SIPA1L1: variants seen among roughly 807,000 people sequenced by gnomAD.
The protein encoded by SIPA1L1 is signal-induced proliferation-associated 1-like protein 1.
A neutral mutation model predicts 162.7 loss-of-function variants in SIPA1L1; 26 were observed. The observed-to-expected ratio is 0.16, with a 90% CI of 0.12 to 0.22. The LOEUF (loss-of-function observed/expected upper bound fraction) is 0.22, where lower values mean the gene tolerates loss of function less well. Ranked by LOEUF, SIPA1L1 falls within the 10% of genes least tolerant of loss-of-function variation. The probability of loss-of-function intolerance (pLI) is 1.00; values close to 1 mark genes in which losing one functional copy is unlikely to be tolerated. For missense variants in SIPA1L1, 1,874 were observed against 2,241.0 expected (o/e 0.84, Z 3.31); for synonymous variants, 829 against 837.4 (o/e 0.99, Z 0.17).
intron 14 of SIPA1L1, 30 bp downstream of exon 14, chr14:71,699,157 G>A (rs780685240): frequency 3.7e-6 from 6 of 1,608,414 alleles, no homozygotes; most frequent in Non-Finnish European, 2.6e-6. Context: ...ATTGTACATG[G>A]TCCCTGTTGG....
intron 2 of SIPA1L1, among the ~76,000 whole-genome samples, chr14:71,329,414 T>C (rs539426044): frequency 1.3e-5 from 2 of 148,912 alleles, no homozygotes; most frequent in African/African-American, 2.4e-5. Context: ...CCAATACTTA[T>C]TTTCTGTTTT....
chr14:71,704,581 A>G lies in SIPA1L1; in HGVS notation c.3647-641A>G, dbSNP rs2082311730. On this transcript the variant is annotated intron_variant, in intron 15 of 23. Transcript: ENST00000381232. The stretch of plus-strand genomic sequence containing the variant: ...GTTTCAGAGGCCCAGGATTCTTGCT[A>G]TTAGCTATAGTGGTGTTATGGAGGA... The G allele has an allele frequency of 1.7e-5, 11 of 630,228 alleles. No homozygotes were observed. The South Asian group carries it at 2.1e-4, about 12-fold the overall frequency. The allele number at this position is 630,228 out of a possible 1,614,324, so 39.0% of individuals were successfully genotyped here. A position where few individuals can be genotyped will look rare whatever the true frequency, so the allele number is the denominator to read the frequency against.
chr14:71,394,029 A>T (rs2040983796), intron 2 of SIPA1L1, among the ~76,000 whole-genome samples: 1 of 152,244 alleles, frequency 6.6e-6, no homozygotes, highest in Non-Finnish European at 1.5e-5. Flanking sequence ...TCCTGTTCCT[A>T]GCTGGCTAGA....
intron 17 of SIPA1L1, among the ~76,000 whole-genome samples, chr14:71,714,833 T>C (rs1450021939): frequency 6.6e-6 from 1 of 152,208 alleles, no homozygotes; most frequent in East Asian, 1.9e-4. Context: ...CCTCTCACCT[T>C]GGCCTCCCAT....
intron 10 of SIPA1L1, among the ~76,000 whole-genome samples, chr14:71,665,276 C>A (rs2043892852): frequency 6.6e-6 from 1 of 152,166 alleles, no homozygotes; most frequent in African/African-American, 2.4e-5. Flanking sequence ...TATAGTGGAT[C>A]TAGACATGAG....
At chr14:71,570,252 T>C (rs563423089) in intron 4 of SIPA1L1, among the ~76,000 whole-genome samples, 1 of 152,142 alleles carries the variant, frequency 6.6e-6, no homozygotes, top group South Asian at 2.1e-4. Flanking sequence ...TTTTTTAAAA[T>C]CCATTTATCT....
chr14:71,406,724 A>G (rs900584113), intron 2 of SIPA1L1, among the ~76,000 whole-genome samples: 12 of 152,220 alleles, frequency 7.9e-5, no homozygotes, highest in African/African-American at 2.6e-4. Context: ...TTTCTTTTCT[A>G]GATTTTAAGT....
chr14:71,654,454 G>A (rs2042891661), intron 8 of SIPA1L1, among the ~76,000 whole-genome samples: 1 of 152,094 alleles, frequency 6.6e-6, no homozygotes. Context: ...CCTGACTGAG[G>A]CTTGTTTGTC....
At chr14:71,495,711 G>T (rs920603169) in intron 2 of SIPA1L1, among the ~76,000 whole-genome samples, 2 of 151,230 alleles carry the variant, frequency 1.3e-5, no homozygotes, top group African/African-American at 4.9e-5. Flanking sequence ...AAGTGAAGAC[G>T]ATTGAGATCT....
intron 2 of SIPA1L1, among the ~76,000 whole-genome samples, chr14:71,396,810 A>T (rs1355435576): frequency 6.6e-6 from 1 of 152,212 alleles, no homozygotes; most frequent in Non-Finnish European, 1.5e-5. Context: ...TAATGAGTTA[A>T]TGCTAAAACT....
intron 2 of SIPA1L1, among the ~76,000 whole-genome samples, chr14:71,402,937 T>C (rs2140080651): frequency 6.6e-6 from 1 of 152,344 alleles, no homozygotes; most frequent in South Asian, 2.1e-4. Context: ...GTTTTATAAC[T>C]GCCGCTGTCC....
At chr14:71,380,453 T>C (rs1362068427) in intron 2 of SIPA1L1, among the ~76,000 whole-genome samples, 1 of 152,210 alleles carries the variant, frequency 6.6e-6, no homozygotes, top group Non-Finnish European at 1.5e-5. Context: ...CCATGTTCAG[T>C]CTGGTATTTT....
rs2084997750 is a variant in SIPA1L1, at chr14:71,733,566, C to G, written c.4862-100C>G. ...CTAACCTGGACATTGATAACAGTCACAAATGGCTTACAATCTATTGTGGTA... is the reference window on the plus strand; with the variant it reads ...CTAACCTGGACATTGATAACAGTCAGAAATGGCTTACAATCTATTGTGGTA... On this transcript the variant is annotated intron_variant, in intron 20 of 23. Transcript: ENST00000381232. 1.4e-5 allele frequency: 17 copies of G among 1,243,604 alleles called. No homozygotes were observed. The South Asian group carries it at 1.4e-4, about 10-fold the overall frequency. 77.0% of individuals were successfully genotyped at this position (1,243,604 alleles called of 1,614,324 possible).
At chr14:71,543,892 A>G (rs967162716) in intron 4 of SIPA1L1, among the ~76,000 whole-genome samples, 2 of 113,278 alleles carry the variant, frequency 1.8e-5, no homozygotes, top group African/African-American at 3.3e-5. Flanking sequence ...TACATATATC[A>G]TACGTATATG....
chr14:71,351,508 A>C (rs1471121765), intron 2 of SIPA1L1, among the ~76,000 whole-genome samples: 1 of 152,210 alleles, frequency 6.6e-6, no homozygotes, highest in Non-Finnish European at 1.5e-5. Flanking sequence ...AGTAGGGTGG[A>C]TATGACTGAG....
At chr14:71,672,001 A>G (rs567635514) in intron 11 of SIPA1L1, among the ~76,000 whole-genome samples, 1 of 151,690 alleles carries the variant, frequency 6.6e-6, no homozygotes, top group East Asian at 1.9e-4. Flanking sequence ...CAGTCCAGTC[A>G]TCTGGTGGTG....
chr14:71,568,405 C>CAA (rs2031218278), intron 4 of SIPA1L1, among the ~76,000 whole-genome samples: 1 of 152,156 alleles, frequency 6.6e-6, no homozygotes, highest in Non-Finnish European at 1.5e-5. Context: ...AGTCAGAAAG[C>CAA]ATCAGTATGG....
chr14:71,398,192 T>G (rs1483159259), intron 2 of SIPA1L1: 1 of 152,046 alleles, frequency 6.6e-6, no homozygotes, highest in Non-Finnish European at 1.5e-5. Flanking sequence ...ATTTTTTGTA[T>G]TTTTAGTAGA....
chr14:71,681,806 A>G (rs1027266614), intron 12 of SIPA1L1, among the ~76,000 whole-genome samples: 9 of 152,214 alleles, frequency 5.9e-5, no homozygotes, highest in Non-Finnish European at 1.0e-4. Flanking sequence ...CTTAAGGAAA[A>G]AGGAGAGAGT....
Sources: gnomAD v4.1 joint callset for allele counts (sites outside exome capture counted in the v4.1 genomes callset) on GRCh38, gnomAD v4.1.1 for gene constraint, MANE v1.5 for transcripts, NCBI Gene and HGNC (gene_info 2026-07-23, HGNC 2026-07-21) for gene names.